The following LEPR variants were observed in gnomAD, a reference collection of about 807,000 sequenced individuals.
The protein encoded by LEPR is OB receptor.
A neutral mutation model predicts 114.7 loss-of-function variants in LEPR; 56 were observed. The ratio of observed to expected loss-of-function variants is 0.49; its 90% CI spans 0.39 to 0.61. The LOEUF is 0.61. Ranked by LOEUF, LEPR falls within the 20% of genes least tolerant of loss-of-function variation. The probability of loss-of-function intolerance (pLI) is 0.00; values close to 1 mark genes in which losing one functional copy is unlikely to be tolerated. For synonymous variants in LEPR, 443 were observed against 461.4 expected, an observed-to-expected ratio of 0.96 and a Z score of 0.51; for missense variants, 1,202 against 1,352.9, an observed-to-expected ratio of 0.89 and a Z score of 1.75.
At chr1:65,489,409 T>C (rs1338192184) in intron 2 of LEPR, among the ~76,000 whole-genome samples, 1 of 152,184 alleles carries the variant, frequency 6.6e-6, no homozygotes, top group African/African-American at 2.4e-5. Flanking sequence ...GCCATCTGTA[T>C]GTCTTCATTT....
Position 65,605,176 on chromosome 1 carries a change from G to T in LEPR, c.1542G>T (p.Arg514Ser). 1 of 1,614,034 alleles carries T rather than the reference G, an allele frequency of 6.2e-7. No individual in the cohort carries two copies. The highest frequency in any genetic ancestry group is 8.5e-7 in the Non-Finnish European group (1 of 1,180,012). The change falls in exon 11 of 20, where the codon AGG becomes AGT. Residue 514 changes from arginine to serine, a missense_variant. By Grantham distance (110) the Arg-to-Ser change is moderately radical. Coordinates refer to ENST00000349533, the MANE Select transcript of LEPR (RefSeq NM_002303.6). ...FLLSGYTMWI[R>S]INHSLGSLDS... ...TATCTGGCTACACAATGTGGATTAGGATCAATCACTCTCTAGGTTCACTTG... is the reference window on the plus strand; with the variant it reads ...TATCTGGCTACACAATGTGGATTAGTATCAATCACTCTCTAGGTTCACTTG...
At chr1:65,499,016 G>T (rs2100516440) in intron 2 of LEPR, among the ~76,000 whole-genome samples, 1 of 152,172 alleles carries the variant, frequency 6.6e-6, no homozygotes, top group African/African-American at 2.4e-5. Context: ...AGGGTAAATG[G>T]CCATCAGCGA....
intron 14 of LEPR, among the ~76,000 whole-genome samples, chr1:65,613,529 G>A (rs1657315348): frequency 1.0e-5 from 1 of 98,120 alleles, no homozygotes; most frequent in Admixed American, 1.1e-4. Flanking sequence ...CGAGGCGGGT[G>A]GATCACGAGG....
chr1:65,515,749 G>A (rs749109581), intron 2 of LEPR, among the ~76,000 whole-genome samples: 7 of 152,126 alleles, frequency 4.6e-5, no homozygotes, highest in Non-Finnish European at 7.4e-5. Context: ...GTAGACTATC[G>A]TATTGTATAA....
At chr1:65,565,724 A>T in intron 3 of LEPR, 119 bp downstream of exon 3, 1 of 1,283,426 alleles carries the variant, frequency 7.8e-7, no homozygotes, top group Non-Finnish European at 1.1e-6. Flanking sequence ...AGGAATTCTC[A>T]TACATGCTTA....
intron 5 of LEPR, chr1:65,577,769 T>C (rs1221295330): frequency 6.4e-6 from 1 of 155,660 alleles, no homozygotes; most frequent in Non-Finnish European, 1.4e-5. Context: ...AATAGAATTG[T>C]TTTGGAAATG....
intron 5 of LEPR, among the ~76,000 whole-genome samples, chr1:65,581,575 C>T (rs1411651063): frequency 1.3e-5 from 2 of 152,030 alleles, no homozygotes; most frequent in African/African-American, 4.8e-5. Context: ...GTGTTCACTC[C>T]ATTAGATATG....
At chr1:65,541,885 G>T (rs901538438) in intron 2 of LEPR, among the ~76,000 whole-genome samples, 1 of 152,068 alleles carries the variant, frequency 6.6e-6, no homozygotes, top group Non-Finnish European at 1.5e-5. Context: ...GATTTTTTGA[G>T]ATCAATGGAG....
intron 2 of LEPR, among the ~76,000 whole-genome samples, chr1:65,522,902 C>G (rs1446110286): frequency 1.3e-5 from 2 of 150,898 alleles, no homozygotes; most frequent in East Asian, 3.9e-4. Context: ...CTGCTTTGCT[C>G]TAGTAAATTC....
intron 2 of LEPR, among the ~76,000 whole-genome samples, chr1:65,501,733 A>G (rs1648464364): frequency 6.6e-6 from 1 of 151,984 alleles, no homozygotes; most frequent in African/African-American, 2.4e-5. Context: ...CAATTATTTA[A>G]ATAATGAGGA....
At chr1:65,490,398 A>G (rs1215029040) in intron 2 of LEPR, among the ~76,000 whole-genome samples, 1 of 152,130 alleles carries the variant, frequency 6.6e-6, no homozygotes, top group African/African-American at 2.4e-5. Context: ...GTTTATTTAG[A>G]GCCTTGTCTT....
intron 2 of LEPR, among the ~76,000 whole-genome samples, chr1:65,453,977 G>A (rs1646828206): frequency 6.6e-6 from 1 of 151,494 alleles, no homozygotes; most frequent in South Asian, 2.1e-4. Context: ...TGTATTGGGT[G>A]CATATATATT....
rs1170147291 is a variant in LEPR, at chr1:65,636,437, T to C, written c.2920T>C (p.Tyr974His). Reference sequence around the variant, plus strand: ...TGAGGCTGAGGGTACTGAGGTAACCTATGAGGACGAAAGCCAGAGACAACC... The same window carrying C: ...TGAGGCTGAGGGTACTGAGGTAACCCATGAGGACGAAAGCCAGAGACAACC... ...FSEAEGTEVT[Y>H]EDESQRQPFV... Residue 974 changes from tyrosine to histidine, a missense_variant, in exon 20 of 20, where the codon TAT (tyrosine) becomes CAT (histidine). Transcript: ENST00000349533. 1 of 1,614,120 alleles carries C rather than the reference T, an allele frequency of 6.2e-7. No homozygotes were observed. The highest frequency in any genetic ancestry group is 1.1e-5 in the South Asian group (1 of 91,080).
intron 2 of LEPR, chr1:65,435,977 T>C: frequency 2.0e-6 from 2 of 984,990 alleles, no homozygotes; most frequent in Non-Finnish European, 2.4e-6. Flanking sequence ...GACGATTACT[T>C]TGTAAATAAA....
At chr1:65,439,777 G>A (rs1489168732) in intron 2 of LEPR, among the ~76,000 whole-genome samples, 5 of 144,104 alleles carry the variant, frequency 3.5e-5, no homozygotes, top group African/African-American at 7.8e-5. Context: ...GCAGTGAGCC[G>A]AGATCATGCC....
chr1:65,630,427 G>GA (rs199954381), intron 19 of LEPR: 8,157 of 134,368 alleles, frequency 0.061, 555 homozygotes, highest in South Asian at 0.23. Flanking sequence ...AAAAAAGAAA[G>GA]AAAAAAAAAT....
At chr1:65,525,587 A>C in intron 2 of LEPR, 318 of 968,888 alleles carry the variant, frequency 3.3e-4, no homozygotes, top group South Asian at 4.3e-4. Flanking sequence ...GCGGGCGGCC[A>C]CCCGACTCTT....
intron 1 of LEPR, 45 bp from the exon 2 acceptor site, chr1:65,425,258 A>G (rs756206680): frequency 1.3e-6 from 2 of 1,560,086 alleles, no homozygotes; most frequent in Non-Finnish European, 1.8e-6. Context: ...AGTGCCTGAC[A>G]ACCTCTACTG....
intron 2 of LEPR, among the ~76,000 whole-genome samples, chr1:65,506,080 T>A (rs1051237832): frequency 1.3e-5 from 2 of 152,208 alleles, no homozygotes; most frequent in Non-Finnish European, 2.9e-5. Context: ...TTTTGAAATT[T>A]CATTTTCAAA....
Sources: gnomAD v4.1 joint callset for allele counts (sites outside exome capture counted in the v4.1 genomes callset) on GRCh38, gnomAD v4.1.1 for gene constraint, MANE v1.5 for transcripts, NCBI Gene and HGNC (gene_info 2026-07-23, HGNC 2026-07-21) for gene names.